The following SH3BGRL variants were observed in gnomAD, a reference collection of about 807,000 sequenced individuals.
The protein encoded by SH3BGRL is adapter SH3BGRL.
Under a neutral mutation model 9.8 loss-of-function variants are expected in SH3BGRL, and 7 were observed. The observed-to-expected ratio is 0.72, with a 90% CI of 0.41 to 1.35. The LOEUF (loss-of-function observed/expected upper bound fraction) is 1.35, where lower values mean the gene tolerates loss of function less well. Among genes scored for constraint, SH3BGRL ranks in the 40% most tolerant of loss-of-function variants. SH3BGRL has a pLI of 0.01. For missense variants in SH3BGRL, 73 were observed against 84.4 expected (o/e 0.86, Z 0.53); for synonymous variants, 36 against 29.1 (o/e 1.24, Z -0.76).
rs780784286 is a variant in SH3BGRL, at chrX:81,211,446, G to A, written c.45+9201G>A. ...TGAAAATACAAAAAAAATTAGCCGG[G>A]CGTGGTGGCGGGCGCCTGTAGTCCC... On this transcript the variant is annotated intron_variant, in intron 1 of 3. Coordinates refer to ENST00000373212, the MANE Select transcript of SH3BGRL (RefSeq NM_003022.3). Among the ~76,000 whole-genome samples the A allele has an allele frequency of 5.1e-3, 573 of 111,384 alleles. 2 individuals are homozygous for A. Among genetic ancestry groups the A allele is most frequent in the Middle Eastern group, 0.014 (3 of 215 alleles).
intron 1 of SH3BGRL, chrX:81,255,425 A>C (rs1248228526): frequency 8.9e-6 from 1 of 112,149 alleles, no homozygotes; most frequent in East Asian, 2.8e-4. Context: ...CTGTGATCTA[A>C]AATTCTGAGA....
At chrX:81,232,214 T>G (rs1315469921) in intron 1 of SH3BGRL, among the ~76,000 whole-genome samples, 2 of 111,371 alleles carry the variant, frequency 1.8e-5, no homozygotes, top group East Asian at 5.6e-4. Context: ...CCTAAAATAT[T>G]TTACTATGCA....
intron 1 of SH3BGRL, among the ~76,000 whole-genome samples, chrX:81,258,247 C>T (rs1270419653): frequency 1.8e-5 from 2 of 111,789 alleles, no homozygotes; most frequent in Non-Finnish European, 1.9e-5. Context: ...TGCCACCAAA[C>T]ATTTATTTTA....
At chrX:81,267,121 T>A (rs1750064764) in intron 1 of SH3BGRL, among the ~76,000 whole-genome samples, 1 of 111,446 alleles carries the variant, frequency 9.0e-6, no homozygotes, top group Admixed American at 9.6e-5. Context: ...GACGATGGGG[T>A]TTTCTAAATA....
chrX:81,271,342 G>A (rs1378946424), intron 1 of SH3BGRL, among the ~76,000 whole-genome samples: 1 of 112,006 alleles, frequency 8.9e-6, no homozygotes, highest in African/African-American at 3.2e-5. Context: ...ATCTCACTGC[G>A]AGTTGTAGAC....
At chrX:81,246,818 T>C (rs2075691162) in intron 1 of SH3BGRL, among the ~76,000 whole-genome samples, 1 of 112,069 alleles carries the variant, frequency 8.9e-6, no homozygotes, top group Non-Finnish European at 1.9e-5. Context: ...GTATGAATTT[T>C]AGCATAGTTT....
At chrX:81,267,525 G>A (rs1184024975) in intron 1 of SH3BGRL, among the ~76,000 whole-genome samples, 1 of 111,936 alleles carries the variant, frequency 8.9e-6, no homozygotes, top group Admixed American at 9.5e-5. Flanking sequence ...ATTTCTGTGT[G>A]TTGAACCAGC....
At chrX:81,293,255 T>C (rs1303172293) in intron 3 of SH3BGRL, among the ~76,000 whole-genome samples, 4 of 112,442 alleles carry the variant, frequency 3.6e-5, no homozygotes, top group Admixed American at 2.8e-4. Context: ...TCCTCAGCCA[T>C]GTGGAACTGT....
At chrX:81,255,675 A>G (rs957646663) in intron 1 of SH3BGRL, 1 of 112,120 alleles carries the variant, frequency 8.9e-6, no homozygotes. Context: ...TGTCAGAGTG[A>G]TGCCATTAGC....
intron 1 of SH3BGRL, among the ~76,000 whole-genome samples, chrX:81,203,852 C>T (rs1007264067): frequency 5.5e-5 from 6 of 108,689 alleles, no homozygotes; most frequent in Admixed American, 9.8e-5. Context: ...TGGCTGCTGT[C>T]TTCTATTATT....
At chrX:81,243,275 A>T (rs1237050773) in intron 1 of SH3BGRL, among the ~76,000 whole-genome samples, 1 of 112,420 alleles carries the variant, frequency 8.9e-6, no homozygotes, top group African/African-American at 3.2e-5. Context: ...AAGTGAAATA[A>T]ATCAGGCGCA....
At chrX:81,277,275 G>C (rs1874947972) in intron 2 of SH3BGRL, 106 bp downstream of exon 2, 1 of 634,500 alleles carries the variant, frequency 1.6e-6, no homozygotes, top group Non-Finnish European at 2.4e-6. Flanking sequence ...CATATCTCTT[G>C]CATATAGTCA....
Position 81,277,019 on chromosome X carries a change from A to G in SH3BGRL, c.81A>G (p.Leu27=), listed in dbSNP as rs1464439103. 2 of 1,207,335 alleles carry G rather than the reference A, an allele frequency of 1.7e-6. No individual in the cohort carries two copies. The highest frequency in any genetic ancestry group is 1.8e-5 in the South Asian group (1 of 56,369). ...KKKQQDVLGF[L]EANKIGFEEK... is the part of the protein sequence containing the mutation. ...AACAACAAGATGTGCTTGGTTTCCT[A>G]GAAGCCAACAAAATAGGATTTGAAG... Residue 27 remains leucine (L), a synonymous_variant, in exon 2 of 4, where the codon CTA becomes CTG. Transcript: ENST00000373212.
chrX:81,293,529 A>G (rs1334346523), intron 3 of SH3BGRL, among the ~76,000 whole-genome samples: 1 of 111,808 alleles, frequency 8.9e-6, no homozygotes, highest in East Asian at 2.8e-4. Context: ...CTAAAAATAC[A>G]AAAAGTAGCT....
chrX:81,275,595 T>A (rs939731085), intron 1 of SH3BGRL, among the ~76,000 whole-genome samples: 1 of 111,966 alleles, frequency 8.9e-6, no homozygotes, highest in Non-Finnish European at 1.9e-5. Context: ...GAGTTTTACA[T>A]TGATTTTTCT....
At position 81,252,598 on chromosome X, in the gene SH3BGRL, CCCTAAT is replaced by C. The variant is rs769750099; in HGVS notation, c.46-24385_46-24380del. 1.4e-4 allele frequency among the ~76,000 whole-genome samples: 16 copies of C among 111,585 alleles called. No individual in the cohort carries two copies. The South Asian group carries it at 6.0e-3, about 42-fold the overall frequency. On this transcript the variant is annotated intron_variant, in intron 1 of 3. Transcript: ENST00000373212. The stretch of plus-strand genomic sequence containing the variant: ...TTGGGTCACACATAAAATACAGTAA[CCCTAAT>C]GATATCTGATGAGCTAAAAAAAAAT...
intron 1 of SH3BGRL, among the ~76,000 whole-genome samples, chrX:81,252,581 C>T (rs1457184420): frequency 9.0e-6 from 1 of 111,699 alleles, no homozygotes; most frequent in Non-Finnish European, 1.9e-5. Context: ...TCTTGGGTCA[C>T]ACATAAAATA....
At chrX:81,290,830 T>C (rs1284486552) in intron 3 of SH3BGRL, among the ~76,000 whole-genome samples, 2 of 110,976 alleles carry the variant, frequency 1.8e-5, no homozygotes, top group East Asian at 5.6e-4. Context: ...ACATGTCATA[T>C]ACCCCATAAA....
chrX:81,290,105 G>C (rs749355861), intron 3 of SH3BGRL, among the ~76,000 whole-genome samples: 2 of 111,629 alleles, frequency 1.8e-5, no homozygotes, highest in Non-Finnish European at 3.8e-5. Flanking sequence ...AGGAGAAAAG[G>C]GATCATTCAT....
Sources: allele counts gnomAD v4.1 joint callset (sites outside exome capture counted in the v4.1 genomes callset), GRCh38; gene constraint gnomAD v4.1.1; transcripts MANE v1.5; gene names NCBI Gene and HGNC (gene_info 2026-07-23, HGNC 2026-07-21).